LPP: variants seen among roughly 807,000 people sequenced by gnomAD.
The protein encoded by LPP is lipoma-preferred partner.
A neutral mutation model predicts 60.4 loss-of-function variants in LPP; 38 were observed. The observed-to-expected ratio is 0.63, with a 90% CI of 0.49 to 0.83. The LOEUF is 0.83. LPP is among the 40% of genes least tolerant of loss of function. The pLI is 0.00. For missense variants in LPP, 902 were observed against 783.6 expected (o/e 1.15, Z -1.80); for synonymous variants, 328 against 290.8 (o/e 1.13, Z -1.30).
chr3:188,206,902 C>A (rs938407117), intron 1 of LPP, among the ~76,000 whole-genome samples: 1 of 152,146 alleles, frequency 6.6e-6, no homozygotes. Flanking sequence ...ATGTATGTAA[C>A]CTGCTTAGTA....
chr3:188,607,340 CATATT>C (rs1346619052), intron 6 of LPP, among the ~76,000 whole-genome samples: 1 of 125,842 alleles, frequency 7.9e-6, no homozygotes, highest in Non-Finnish European at 1.7e-5. Flanking sequence ...GAATATTTTA[CATATT>C]ATAACTGTAT....
At chr3:188,586,112 CAAAT>C (rs1414944320) in intron 6 of LPP, among the ~76,000 whole-genome samples, 1 of 152,114 alleles carries the variant, frequency 6.6e-6, no homozygotes, top group Non-Finnish European at 1.5e-5. Context: ...ATAGCAAAAT[CAAAT>C]AACTTTTAAA....
chr3:188,603,288 AT>A (rs1841787516), intron 6 of LPP, among the ~76,000 whole-genome samples: 1 of 151,392 alleles, frequency 6.6e-6, no homozygotes, highest in Non-Finnish European at 1.5e-5. Context: ...CAGTGTCTAC[AT>A]TTTGATCACT....
At chr3:188,683,231 C>A (rs1236244197) in intron 7 of LPP, among the ~76,000 whole-genome samples, 1 of 151,932 alleles carries the variant, frequency 6.6e-6, no homozygotes, top group Admixed American at 6.6e-5. Context: ...GATGTCTATA[C>A]ACATTCTCAA....
At chr3:188,571,690 C>T (rs1833580544) in intron 6 of LPP, among the ~76,000 whole-genome samples, 1 of 152,056 alleles carries the variant, frequency 6.6e-6, no homozygotes, top group African/African-American at 2.4e-5. Context: ...AAGAGCAGCT[C>T]CTCTAAAGAT....
chr3:188,190,645 G>T (rs763470047), intron 1 of LPP, among the ~76,000 whole-genome samples: 62 of 152,224 alleles, frequency 4.1e-4, no homozygotes, highest in Non-Finnish European at 1.5e-4. Flanking sequence ...GCGCTAAGCA[G>T]CAGAGTATGA....
chr3:188,156,016 A>G (rs1577024099), intron 1 of LPP, among the ~76,000 whole-genome samples: 1 of 152,098 alleles, frequency 6.6e-6, no homozygotes, highest in East Asian at 1.9e-4. Flanking sequence ...CTGCCTCTCA[A>G]AAAAAACAAA....
chr3:188,210,699 G>A lies in LPP; in HGVS notation c.-189-14706G>A, dbSNP rs145836315. On this transcript the variant is annotated intron_variant, in intron 1 of 11. Transcript: ENST00000617246. ...AATATTTCATTCTGGTTTTCATATT[G>A]ATCTCTGTGGCTCTCCCCTTGGTCT... is the stretch of plus-strand genomic sequence containing the variant. 3.2e-3 allele frequency among the ~76,000 whole-genome samples: 490 copies of A among 152,238 alleles called. 2 individuals are homozygous for A. Among genetic ancestry groups the A allele is most frequent in the Admixed American group, 5.5e-3 (84 of 15,288 alleles).
intron 7 of LPP, among the ~76,000 whole-genome samples, chr3:188,613,462 A>C (rs1404976173): frequency 6.6e-6 from 1 of 151,578 alleles, no homozygotes; most frequent in African/African-American, 2.4e-5. Context: ...TATCATAAAA[A>C]CTCATCTCCG....
intron 5 of LPP, among the ~76,000 whole-genome samples, chr3:188,499,595 C>A (rs1229139440): frequency 6.6e-6 from 1 of 152,130 alleles, no homozygotes; most frequent in African/African-American, 2.4e-5. Flanking sequence ...TATTTTAGGT[C>A]ATTTCATATT....
chr3:188,837,382 C>CATCATCATA (rs370487700), intron 9 of LPP, among the ~76,000 whole-genome samples: 35 of 140,386 alleles, frequency 2.5e-4, no homozygotes, highest in Middle Eastern at 7.6e-3. Context: ...CCATCTCAAA[C>CATCATCATA]ATAATAATAA....
chr3:188,859,003 C>T (rs755755873), intron 9 of LPP, among the ~76,000 whole-genome samples: 4 of 146,874 alleles, frequency 2.7e-5, no homozygotes, highest in South Asian at 2.2e-4. Flanking sequence ...GCAGGAGAAT[C>T]GCTTGAACCT....
At chr3:188,543,219 A>C (rs114392837) in intron 6 of LPP, among the ~76,000 whole-genome samples, 33 of 152,072 alleles carry the variant, frequency 2.2e-4, no homozygotes, top group African/African-American at 7.7e-4. Flanking sequence ...TGGGGGATTG[A>C]GGGGTGGAGA....
chr3:188,807,405 GTTTA>G (rs1749495289), intron 9 of LPP, among the ~76,000 whole-genome samples: 1 of 151,782 alleles, frequency 6.6e-6, no homozygotes, highest in Non-Finnish European at 1.5e-5. Context: ...TCAGTTGGTT[GTTTA>G]TTCTTTAGAA....
intron 3 of LPP, among the ~76,000 whole-genome samples, chr3:188,342,399 A>G (rs1048752505): frequency 5.9e-5 from 9 of 152,202 alleles, no homozygotes; most frequent in Admixed American, 5.9e-4. Flanking sequence ...GCCAATGGAG[A>G]AAAAACATTT....
chr3:188,156,495 G>A (rs1277929025), intron 1 of LPP, among the ~76,000 whole-genome samples: 1 of 152,140 alleles, frequency 6.6e-6, no homozygotes, highest in East Asian at 1.9e-4. Context: ...GCATCGAGAA[G>A]CCCCCTGCTG....
chr3:188,827,204 A>G (rs1169878473), intron 9 of LPP, among the ~76,000 whole-genome samples: 1 of 152,204 alleles, frequency 6.6e-6, no homozygotes, highest in African/African-American at 2.4e-5. Context: ...AGATTTAGAT[A>G]GGACCATTCC....
intron 6 of LPP, among the ~76,000 whole-genome samples, chr3:188,606,761 T>G (rs1842454814): frequency 6.6e-6 from 1 of 152,116 alleles, no homozygotes; most frequent in South Asian, 2.1e-4. Context: ...TAAGGTCAGA[T>G]TTTTCTCGTC....
intron 4 of LPP, among the ~76,000 whole-genome samples, chr3:188,468,637 A>C (rs1379723720): frequency 1.3e-5 from 2 of 152,122 alleles, no homozygotes; most frequent in Non-Finnish European, 2.9e-5. Context: ...TTATAAGAAG[A>C]AGCATAATAT....
Sources: gnomAD v4.1 joint callset for allele counts (sites outside exome capture counted in the v4.1 genomes callset) on GRCh38, gnomAD v4.1.1 for gene constraint, MANE v1.5 for transcripts, NCBI Gene and HGNC (gene_info 2026-07-23, HGNC 2026-07-21) for gene names.